Variants in ANKRD27 observed in about 807,000 individuals in gnomAD.
ANKRD27 encodes the protein ankyrin repeat domain-containing protein 27.
In ANKRD27, 112 loss-of-function variants were observed where a neutral mutation model predicts 129.7. That is an observed-to-expected ratio of 0.86 (90% CI 0.74 to 1.01). The LOEUF is 1.01. Among genes scored for constraint, ANKRD27 ranks in the 50% least tolerant of loss-of-function variants. The probability of loss-of-function intolerance (pLI) is 0.00; values close to 1 mark genes in which losing one functional copy is unlikely to be tolerated. For missense variants in ANKRD27, 1,258 were observed against 1,300.5 expected (o/e 0.97, Z 0.50); for synonymous variants, 516 against 511.2 (o/e 1.01, Z -0.13).
chr19:32,625,963 G>C lies in ANKRD27; in HGVS notation c.1540C>G (p.Leu514Val). The stretch of plus-strand genomic sequence containing the variant: ...GCGCTGGCCTTGTAGTGCAGCAGCA[G>C]CAGCTGCGGAGATAAAGGAAAGCGA... Reference protein sequence around the residue: ...CQKGYQSVTLLLLHYKASAEV... With the variant: ...CQKGYQSVTLVLLHYKASAEV... The change falls in exon 17 of 29, where the codon CTG becomes GTG. Residue 514 changes from leucine to valine, a missense_variant. Transcript: ENST00000306065. The C allele has an allele frequency of 1.2e-6, 2 of 1,606,108 alleles. No individual in the cohort carries two copies. The highest frequency in any genetic ancestry group is 2.2e-5 in the South Asian group (2 of 89,408).
chr19:32,615,992 A>C (rs1258778233), intron 21 of ANKRD27, among the ~76,000 whole-genome samples: 4 of 152,162 alleles, frequency 2.6e-5, no homozygotes, highest in Non-Finnish European at 2.9e-5. Context: ...CTTCTATCAT[A>C]AAAAAGGACA....
intron 1 of ANKRD27, among the ~76,000 whole-genome samples, chr19:32,666,647 T>C (rs1352615145): frequency 1.4e-5 from 2 of 147,798 alleles, no homozygotes; most frequent in African/African-American, 2.5e-5. Flanking sequence ...TTCTATTTTT[T>C]TTTTTTTTTT....
chr19:32,645,325 T>C (rs1352285101), intron 4 of ANKRD27, among the ~76,000 whole-genome samples: 1 of 151,996 alleles, frequency 6.6e-6, no homozygotes, highest in Non-Finnish European at 1.5e-5. Context: ...GACAGGAGAA[T>C]CGCTTGAACC....
chr19:32,642,203 T>G, intron 9 of ANKRD27, 58 bp from the exon 10 acceptor site: 1 of 1,455,010 alleles, frequency 6.9e-7, no homozygotes, highest in Non-Finnish European at 9.2e-7. Context: ...CCCTCTGGCC[T>G]GGATCTAAGA....
intron 13 of ANKRD27, among the ~76,000 whole-genome samples, chr19:32,629,846 T>C (rs1309024285): frequency 6.9e-5 from 1 of 14,412 alleles, no homozygotes; most frequent in Non-Finnish European, 1.4e-4. Context: ...CTTGTGTTCT[T>C]TTTTTTTTTT....
At chr19:32,608,152 A>G (rs1243552172) in intron 22 of ANKRD27, among the ~76,000 whole-genome samples, 1 of 150,004 alleles carries the variant, frequency 6.7e-6, no homozygotes, top group East Asian at 1.9e-4. Flanking sequence ...CACAGGTGCA[A>G]GCCATTGTGC....
intron 1 of ANKRD27, among the ~76,000 whole-genome samples, chr19:32,674,528 TAA>T (rs1967940682): frequency 6.6e-6 from 1 of 151,582 alleles, no homozygotes; most frequent in African/African-American, 2.4e-5. Context: ...TCTCGGTGCT[TAA>T]GAGTTTTCCT....
chr19:32,641,168 T>C (rs1479820520), intron 10 of ANKRD27, among the ~76,000 whole-genome samples: 3 of 151,418 alleles, frequency 2.0e-5, no homozygotes, highest in Non-Finnish European at 4.4e-5. Flanking sequence ...CCCAAAGTGC[T>C]GGGATTACAG....
At chr19:32,610,565 G>A (rs1971820304) in intron 22 of ANKRD27, among the ~76,000 whole-genome samples, 1 of 151,570 alleles carries the variant, frequency 6.6e-6, no homozygotes, top group Non-Finnish European at 1.5e-5. Flanking sequence ...GCTGAGGCAA[G>A]CGGATCACTT....
At chr19:32,653,897 TTTTG>T (rs1249728570) in intron 2 of ANKRD27, among the ~76,000 whole-genome samples, 5 of 152,066 alleles carry the variant, frequency 3.3e-5, no homozygotes, top group Admixed American at 2.0e-4. Context: ...ACATGGTTTT[TTTTG>T]TTTGTTTTTG....
intron 22 of ANKRD27, among the ~76,000 whole-genome samples, chr19:32,611,653 C>A (rs1179110795): frequency 3.3e-5 from 5 of 152,216 alleles, no homozygotes; most frequent in African/African-American, 1.2e-4. Context: ...ACGATCTCGG[C>A]TCACCGCAAC....
chr19:32,656,079 GAAA>G (rs1568417689), intron 2 of ANKRD27, among the ~76,000 whole-genome samples: 122 of 22,714 alleles, frequency 5.4e-3, no homozygotes, highest in African/African-American at 0.013. Context: ...AAGAAAGAAA[GAAA>G]GAAAGAAAGA....
At chr19:32,668,033 G>T (rs1967794156) in intron 1 of ANKRD27, among the ~76,000 whole-genome samples, 1 of 152,190 alleles carries the variant, frequency 6.6e-6, no homozygotes, top group African/African-American at 2.4e-5. Context: ...AAAACACTAT[G>T]CATACATAAC....
At chr19:32,653,717 C>T (rs951777209) in intron 2 of ANKRD27, among the ~76,000 whole-genome samples, 1 of 59,740 alleles carries the variant, frequency 1.7e-5, no homozygotes, top group South Asian at 5.5e-4. Context: ...GAAGGCGCTT[C>T]GAGGCGTGGC....
At chr19:32,635,587 G>A (rs1361356261) in intron 12 of ANKRD27, among the ~76,000 whole-genome samples, 1 of 152,088 alleles carries the variant, frequency 6.6e-6, no homozygotes, top group Non-Finnish European at 1.5e-5. Context: ...TTATAGGCAT[G>A]AGCCACTGCA....
At chr19:32,657,808 C>G (rs1001190413) in intron 2 of ANKRD27, among the ~76,000 whole-genome samples, 2 of 151,780 alleles carry the variant, frequency 1.3e-5, no homozygotes, top group Admixed American at 6.6e-5. Flanking sequence ...AACTCCATCT[C>G]TAGTAAAAAC....
chr19:32,622,728 T>A (rs1972032698), intron 17 of ANKRD27, 109 bp from the exon 18 acceptor site: 3 of 968,568 alleles, frequency 3.1e-6, no homozygotes, highest in Non-Finnish European at 4.9e-6. Flanking sequence ...CAGACAGAAC[T>A]CAGAAGTGTC....
rs117641119 is a variant in ANKRD27, at chr19:32,636,367, G to A, written c.1116+2989C>T. On this transcript the variant is annotated intron_variant, in intron 12 of 28. Transcript: ENST00000306065. ...TAAGGCCTCTGTAAAACGACAGAGA[G>A]GGGAGACCCTATGAAGGGGCTAGCT... 491 of 154,778 alleles carry A rather than the reference G, an allele frequency of 3.2e-3. 3 individuals are homozygous for A. The highest frequency in any genetic ancestry group is 5.2e-3 in the Non-Finnish European group (363 of 69,466). 9.6% of individuals were successfully genotyped at this position (154,778 alleles called of 1,614,324 possible).
intron 1 of ANKRD27, among the ~76,000 whole-genome samples, chr19:32,668,509 A>G (rs1266145904): frequency 7.0e-6 from 1 of 142,788 alleles, no homozygotes; most frequent in South Asian, 2.2e-4. Context: ...GTCTTGCTCT[A>G]TCACTCACAC....
Sources: gnomAD v4.1 joint callset for allele counts (sites outside exome capture counted in the v4.1 genomes callset) on GRCh38, gnomAD v4.1.1 for gene constraint, MANE v1.5 for transcripts, NCBI Gene and HGNC (gene_info 2026-07-23, HGNC 2026-07-21) for gene names.